RELN: variants seen among roughly 807,000 people sequenced by gnomAD.
RELN encodes reelin.
A neutral mutation model predicts 427.6 loss-of-function variants in RELN; 108 were observed. That is an observed-to-expected ratio of 0.25 (90% CI 0.22 to 0.30). The LOEUF is 0.30. Among genes scored for constraint, RELN ranks in the 10% least tolerant of loss-of-function variants. The probability of loss-of-function intolerance (pLI) is 1.00; values close to 1 mark genes in which losing one functional copy is unlikely to be tolerated. For missense variants in RELN, 3,715 were observed against 4,302.8 expected (o/e 0.86, Z 3.82); for synonymous variants, 1,524 against 1,513.4 (o/e 1.01, Z -0.16).
chr7:103,986,700 A>G (rs1025694330), intron 1 of RELN, among the ~76,000 whole-genome samples: 1 of 151,242 alleles, frequency 6.6e-6, no homozygotes, highest in African/African-American at 2.4e-5. Flanking sequence ...TCAAATGGTG[A>G]CTTCAATGTA....
intron 20 of RELN, among the ~76,000 whole-genome samples, chr7:103,616,094 T>C (rs986395273): frequency 1.3e-5 from 2 of 152,164 alleles, no homozygotes; most frequent in Admixed American, 1.3e-4. Flanking sequence ...GTTTAGTATA[T>C]AAGTCAATAT....
chr7:103,472,667 G>A lies in RELN; in HGVS notation c.*145C>T. 1.5e-6 allele frequency: 1 copy of A among 684,684 alleles called. No individual in the cohort carries two copies. Among genetic ancestry groups the A allele is most frequent in the Admixed American group, 2.1e-5 (1 of 46,832 alleles). 42.4% of individuals were successfully genotyped at this position (684,684 alleles called of 1,614,324 possible). On this transcript the variant is annotated 3_prime_UTR_variant, in exon 65 of 65. Transcript: ENST00000428762. ...CATTAGTTCACAGTGTGGGAAAGTG[G>A]TGTACACTCGGTCTTGAGAAGGGCT...
rs202162379 is a variant in RELN at position 103,875,031 on chromosome 7, T to C, written c.338-41359A>G. ...AGAGATACAGATCAATGGAACAGAA[T>C]AGAGCCCTCAGAAATAACGCCGCAT... On this transcript the variant is annotated intron_variant, in intron 2 of 64. Coordinates refer to ENST00000428762, the MANE Select transcript of RELN (RefSeq NM_005045.4). 3.7e-4 allele frequency among the ~76,000 whole-genome samples: 53 copies of C among 143,500 alleles called. 4 individuals are homozygous for C. The highest frequency in any genetic ancestry group is 9.2e-4 in the African/African-American group (37 of 40,394). The allele number at this position is 143,500 out of a possible 152,430, so 94.1% of individuals were successfully genotyped here. A position where few individuals can be genotyped will look rare whatever the true frequency, so the allele number is the denominator to read the frequency against.
At chr7:103,619,281 A>G (rs887465319) in intron 20 of RELN, among the ~76,000 whole-genome samples, 1 of 152,320 alleles carries the variant, frequency 6.6e-6, no homozygotes, top group African/African-American at 2.4e-5. Flanking sequence ...CACAATGGCC[A>G]TGATGACCAC....
Position 103,498,081 on chromosome 7 carries a change from C to T in RELN, c.8839G>A (p.Ala2947Thr), listed in dbSNP as rs141307064. ...ACTAACAAAAAATTCACTTACTTTG[C>T]ACCTCGAAGATCCAAATCTTGTGTA... is the stretch of plus-strand genomic sequence containing the variant. ...AVTQDLDLRG[A>T]KFLQYWGRIG... The change falls in exon 54 of 65, where the codon GCA becomes ACA. Residue 2947 changes from alanine (A) to threonine (T), a missense_variant. This residue lies in a region of RELN where 1,310 missense variants were observed against 1,643.0 expected (regional missense o/e 0.80). Coordinates refer to ENST00000428762, the MANE Select transcript of RELN (RefSeq NM_005045.4). The T allele has an allele frequency of 1.3e-5, 21 of 1,613,934 alleles. No individual in the cohort carries two copies. The highest frequency in any genetic ancestry group is 5.0e-5 in the Admixed American group (3 of 59,992).
intron 18 of RELN, 23 bp from the exon 19 acceptor site, chr7:103,635,609 T>C: frequency 1.3e-6 from 2 of 1,597,358 alleles, no homozygotes; most frequent in Non-Finnish European, 1.7e-6. Context: ...TGTCTATAAT[T>C]AGTGTATGCA....
chr7:103,521,849 AG>A (rs1427442768), intron 48 of RELN, among the ~76,000 whole-genome samples, 172 bp downstream of exon 48: 1 of 152,222 alleles, frequency 6.6e-6, no homozygotes, highest in Non-Finnish European at 1.5e-5. Context: ...TATAGTATAA[AG>A]TTATCTTTAT....
chr7:103,707,691 G>A (rs1432686500), intron 8 of RELN, among the ~76,000 whole-genome samples: 1 of 151,912 alleles, frequency 6.6e-6, no homozygotes. Context: ...TAGAGACGGG[G>A]TTTCACCATG....
chr7:103,853,637 AT>A lies in RELN; in HGVS notation c.338-19966del, dbSNP rs549551575. ...TTCTAATTGAAAAGAACAGCAAATA[AT>A]TTTTTTTTTAAATTCATTTATATAC... On this transcript the variant is annotated intron_variant, in intron 2 of 64. Coordinates refer to ENST00000428762, the MANE Select transcript of RELN (RefSeq NM_005045.4). Among the ~76,000 whole-genome samples the A allele has an allele frequency of 6.7e-3, 1,011 of 150,720 alleles. 9 individuals are homozygous for A. The highest frequency in any genetic ancestry group is 0.02 in the African/African-American group (818 of 41,228).
chr7:103,498,202 C>A lies in RELN; in HGVS notation c.8718G>T (p.Trp2906Cys). ...FDSEEIKPDL[W>C]MSLEGGSTCT... ...AAGTACTTCCACCTTCTAAGGACAT[C>A]CATAAGTCAGGTTTGATTTCTTCAC... is the stretch of plus-strand genomic sequence containing the variant. Residue 2906 changes from tryptophan to cysteine, a missense_variant, in exon 54 of 65, where the codon TGG becomes TGT. Coordinates refer to ENST00000428762, the MANE Select transcript of RELN (RefSeq NM_005045.4). The A allele has an allele frequency of 1.2e-6, 2 of 1,614,014 alleles. No individual in the cohort carries two copies. Among genetic ancestry groups the A allele is most frequent in the Non-Finnish European group, 1.7e-6 (2 of 1,179,950 alleles).
chr7:103,853,793 C>A (rs180722907), intron 2 of RELN, among the ~76,000 whole-genome samples: 2 of 151,564 alleles, frequency 1.3e-5, no homozygotes, highest in Admixed American at 1.3e-4. Context: ...AGTTAATAGA[C>A]AAATATGTAA....
intron 2 of RELN, among the ~76,000 whole-genome samples, chr7:103,904,005 A>G (rs1381383436): frequency 1.3e-5 from 2 of 150,216 alleles, no homozygotes; most frequent in African/African-American, 4.9e-5. Context: ...CTCTACCTTC[A>G]CTCCCCACCC....
At chr7:103,664,982 G>A (rs1056566662) in intron 11 of RELN, among the ~76,000 whole-genome samples, 17 of 151,876 alleles carry the variant, frequency 1.1e-4, no homozygotes, top group African/African-American at 4.1e-4. Flanking sequence ...TTTTCTCTAT[G>A]CTTTGTGCCT....
chr7:103,728,010 G>C (rs1357620766), intron 7 of RELN, 101 bp downstream of exon 7: 1 of 1,079,758 alleles, frequency 9.3e-7, no homozygotes, highest in Admixed American at 1.9e-5. Flanking sequence ...AATCATATTT[G>C]AATTTTCATC....
At chr7:103,549,136 G>T (rs940055220) in intron 41 of RELN, among the ~76,000 whole-genome samples, 2 of 152,086 alleles carry the variant, frequency 1.3e-5, no homozygotes, top group African/African-American at 4.8e-5. Context: ...CTAGAAGCCT[G>T]TCTTACTCCA....
intron 64 of RELN, among the ~76,000 whole-genome samples, chr7:103,475,972 C>T (rs1007650824): frequency 1.3e-5 from 2 of 151,988 alleles, no homozygotes; most frequent in African/African-American, 4.8e-5. Flanking sequence ...AGGCTGGTGT[C>T]GAACTCCTGG....
chr7:103,818,709 T>A lies in RELN; in HGVS notation c.473+14828A>T, dbSNP rs1792943306. ...AGCAAAATGTCCAGAAATAAGAGAC[T>A]GATTAAACAGATTATAATACATCCA... On this transcript the variant is annotated intron_variant, in intron 3 of 64. Coordinates refer to ENST00000428762, the MANE Select transcript of RELN (RefSeq NM_005045.4). 1.3e-5 allele frequency among the ~76,000 whole-genome samples: 2 copies of A among 152,134 alleles called. 1 individual carries two copies. Among genetic ancestry groups the A allele is most frequent in the Admixed American group, 1.3e-4 (2 of 15,262 alleles).
At chr7:103,773,110 TTCTTTCTTTCTTTCTTTCTTTC>T (rs1406401861) in intron 4 of RELN, among the ~76,000 whole-genome samples, 2 of 52,708 alleles carry the variant, frequency 3.8e-5, no homozygotes, top group African/African-American at 5.8e-5. Context: ...TTTTCTTTCT[TTCTTTCTTTCTTTCTTTCTTTC>T]TTTCTTTCTT....
intron 4 of RELN, among the ~76,000 whole-genome samples, chr7:103,775,289 A>G (rs1256413083): frequency 6.6e-6 from 1 of 152,152 alleles, no homozygotes; most frequent in East Asian, 1.9e-4. Context: ...CTCAAAAGTC[A>G]CAGGATAAAA....
Sources: allele counts gnomAD v4.1 joint callset (sites outside exome capture counted in the v4.1 genomes callset), GRCh38; gene constraint gnomAD v4.1.1; regional missense constraint gnomAD v4.1.1; transcripts MANE v1.5; gene names NCBI Gene and HGNC (gene_info 2026-07-23, HGNC 2026-07-21).